Variants in UNC79 observed in about 807,000 individuals in gnomAD.
UNC79 encodes protein unc-79 homolog.
UNC79 carries 37 observed loss-of-function variants against 283.1 expected under a neutral mutation model. The ratio of observed to expected loss-of-function variants is 0.13; its 90% CI spans 0.10 to 0.17. The LOEUF (loss-of-function observed/expected upper bound fraction) is 0.17, where lower values mean the gene tolerates loss of function less well. Ranked by LOEUF, UNC79 falls within the 10% of genes least tolerant of loss-of-function variation. The probability of loss-of-function intolerance (pLI) is 1.00; values close to 1 mark genes in which losing one functional copy is unlikely to be tolerated. For synonymous variants in UNC79, 1,107 were observed against 1,200.2 expected (o/e 0.92, Z 1.61); for missense variants, 2,272 against 3,211.1 (o/e 0.71, Z 7.07).
intron 14 of UNC79, among the ~76,000 whole-genome samples, chr14:93,569,291 C>T (rs543714409): frequency 6.6e-6 from 1 of 152,180 alleles, no homozygotes; most frequent in East Asian, 1.9e-4. Flanking sequence ...CAAAAATTAG[C>T]CAGGTGTGGT....
At chr14:93,696,308 T>C (rs1238818481) in intron 47 of UNC79, among the ~76,000 whole-genome samples, 1 of 152,214 alleles carries the variant, frequency 6.6e-6, no homozygotes, top group African/African-American at 2.4e-5. Flanking sequence ...TATGTTTTCA[T>C]GTATGTTGGG....
intron 1 of UNC79, among the ~76,000 whole-genome samples, chr14:93,400,849 A>G (rs765224192): frequency 3.9e-5 from 6 of 152,210 alleles, no homozygotes; most frequent in Non-Finnish European, 8.8e-5. Context: ...ATATGGAAAG[A>G]AAGAAATGAA....
rs999163611 is a variant in UNC79 at position 93,568,895 on chromosome 14, A to G, written c.1756-2999A>G. Among the ~76,000 whole-genome samples, 4 of 152,172 alleles carry G rather than the reference A, an allele frequency of 2.6e-5. No homozygotes were observed. In the East Asian group the frequency reaches 5.8e-4, roughly 22 times the overall value. On this transcript the variant is annotated intron_variant, in intron 14 of 48. Transcript: ENST00000555664. ...TTTAGTTGCCCTGATATATAATCTC[A>G]TAGAGGCTGTGGCTCAGCCTCAGGT...
intron 42 of UNC79, among the ~76,000 whole-genome samples, chr14:93,686,146 G>A (rs1429446808): frequency 6.6e-6 from 1 of 152,274 alleles, no homozygotes; most frequent in East Asian, 1.9e-4. Context: ...GTAGAATTTG[G>A]TGGCACGTAT....
chr14:93,347,416 A>C, intron 1 of UNC79: 2 of 1,473,044 alleles, frequency 1.4e-6, no homozygotes. Flanking sequence ...CCCAGCCATC[A>C]TGGTGGGCGG....
intron 1 of UNC79, among the ~76,000 whole-genome samples, chr14:93,448,292 G>A (rs554371237): frequency 6.6e-6 from 1 of 151,136 alleles, no homozygotes; most frequent in South Asian, 2.1e-4. Flanking sequence ...ACGGCTGTAA[G>A]TTCATTCAGT....
At chr14:93,503,727 T>G (rs1045850339) in intron 7 of UNC79, among the ~76,000 whole-genome samples, 3 of 152,034 alleles carry the variant, frequency 2.0e-5, no homozygotes, top group African/African-American at 7.2e-5. Context: ...CAGTTATATA[T>G]GTTGCAAATA....
At chr14:93,591,624 G>T (rs1321709856) in intron 22 of UNC79, among the ~76,000 whole-genome samples, 1 of 152,178 alleles carries the variant, frequency 6.6e-6, no homozygotes, top group Non-Finnish European at 1.5e-5. Flanking sequence ...GTTTGAAATG[G>T]TGAGCAGCTG....
chr14:93,395,082 A>T (rs765132233), intron 1 of UNC79, among the ~76,000 whole-genome samples: 1 of 152,172 alleles, frequency 6.6e-6, no homozygotes, highest in Non-Finnish European at 1.5e-5. Context: ...TTTTATATTT[A>T]TCTATGTAAT....
At position 93,639,716 on chromosome 14, in the gene UNC79, G is replaced by A. The variant is rs893139567; in HGVS notation, c.5801-1429G>A. Among the ~76,000 whole-genome samples the A allele has an allele frequency of 9.8e-5, 15 of 152,326 alleles. No homozygotes were observed. The South Asian group carries it at 1.5e-3, about 15-fold the overall frequency. On this transcript the variant is annotated intron_variant, in intron 32 of 48. Coordinates refer to ENST00000555664, the Ensembl canonical transcript of UNC79. ...TTATACTCGTGTAACCTTTGATCAG[G>A]CAAAGGAGTCTGCAGAATGGAAGCA...
chr14:93,697,580 A>C (rs1422847640), intron 47 of UNC79, among the ~76,000 whole-genome samples: 1 of 152,066 alleles, frequency 6.6e-6, no homozygotes, highest in African/African-American at 2.4e-5. Context: ...ATTCGAGATA[A>C]ATTTTAAAAT....
chr14:93,442,352 A>G (rs2056331081), intron 1 of UNC79, among the ~76,000 whole-genome samples: 1 of 152,070 alleles, frequency 6.6e-6, no homozygotes, highest in Non-Finnish European at 1.5e-5. Flanking sequence ...TATCTTCTGT[A>G]GGATCATTTT....
chr14:93,639,740 C>T (rs929052946), intron 32 of UNC79, among the ~76,000 whole-genome samples: 1 of 152,188 alleles, frequency 6.6e-6, no homozygotes, highest in Non-Finnish European at 1.5e-5. Context: ...AGAATGGAAG[C>T]ATCTTGACTT....
intron 1 of UNC79, among the ~76,000 whole-genome samples, chr14:93,448,092 C>T (rs767750900): frequency 2.8e-4 from 42 of 151,660 alleles, no homozygotes; most frequent in Non-Finnish European, 5.6e-4. Context: ...TTCTTTTTGT[C>T]CTCTCCTTTT....
intron 35 of UNC79, among the ~76,000 whole-genome samples, chr14:93,652,257 G>T (rs1401082968): frequency 6.6e-6 from 1 of 151,936 alleles, no homozygotes; most frequent in Non-Finnish European, 1.5e-5. Flanking sequence ...GAGGGTTTTT[G>T]TTGTTGTTGC....
chr14:93,371,636 C>T lies in UNC79; in HGVS notation c.-351+38113C>T, dbSNP rs565521133. ...CGGGTGGATCACGAGGTCAGGAGAT[C>T]GAGACCATCCTGGCTAACATGGTGA... On this transcript the variant is annotated intron_variant, in intron 1 of 49. Transcript: ENST00000256339. Among the ~76,000 whole-genome samples the T allele has an allele frequency of 1.0e-3, 157 of 151,476 alleles. 2 individuals are homozygous for T. The highest frequency in any genetic ancestry group is 3.2e-3 in the African/African-American group (134 of 41,280).
intron 1 of UNC79, among the ~76,000 whole-genome samples, chr14:93,406,738 T>C (rs1197797590): frequency 1.3e-5 from 2 of 152,210 alleles, no homozygotes; most frequent in Admixed American, 1.3e-4. Context: ...TTGGAAGTTA[T>C]CACTCATCTC....
chr14:93,588,816 A>G (rs1346439997), intron 22 of UNC79, among the ~76,000 whole-genome samples: 2 of 151,882 alleles, frequency 1.3e-5, no homozygotes, highest in Admixed American at 6.6e-5. Context: ...GGGCCAGAGA[A>G]AGAAAACAGT....
intron 1 of UNC79, among the ~76,000 whole-genome samples, chr14:93,362,625 G>C (rs996491049): frequency 6.6e-6 from 1 of 152,190 alleles, no homozygotes; most frequent in Non-Finnish European, 1.5e-5. Context: ...TGGGATTACA[G>C]ATGTTAGCCA....
Sources: allele counts gnomAD v4.1 joint callset (sites outside exome capture counted in the v4.1 genomes callset), GRCh38; gene constraint gnomAD v4.1.1; transcripts MANE v1.5; gene names NCBI Gene and HGNC (gene_info 2026-07-23, HGNC 2026-07-21).